DENND1A: variants seen among roughly 807,000 people sequenced by gnomAD.
The protein encoded by DENND1A is DENN domain containing 1A, also known as DENN domain-containing protein 1A.
A neutral mutation model predicts 113.7 loss-of-function variants in DENND1A; 51 were observed. The ratio of observed to expected loss-of-function variants is 0.45; its 90% CI spans 0.36 to 0.57. The LOEUF (loss-of-function observed/expected upper bound fraction) is 0.57. Ranked by LOEUF, DENND1A falls within the 20% of genes least tolerant of loss-of-function variation. The pLI is 0.00. For synonymous variants in DENND1A, 565 were observed against 570.8 expected (o/e 0.99, Z 0.14); for missense variants, 1,258 against 1,395.9 (o/e 0.90, Z 1.57).
chr9:123,662,709 C>T (rs905476886), intron 8 of DENND1A, among the ~76,000 whole-genome samples: 3 of 152,146 alleles, frequency 2.0e-5, no homozygotes, highest in African/African-American at 7.2e-5. Flanking sequence ...CCCAAGAATG[C>T]TTACGTGACA....
chr9:123,731,413 G>A (rs749381945), intron 5 of DENND1A, among the ~76,000 whole-genome samples: 47 of 152,132 alleles, frequency 3.1e-4, no homozygotes, highest in Non-Finnish European at 5.3e-4. Flanking sequence ...CAAACACTGC[G>A]TAGTCCATTA....
chr9:123,508,519 A>C (rs2053166734), intron 13 of DENND1A, among the ~76,000 whole-genome samples: 1 of 152,206 alleles, frequency 6.6e-6, no homozygotes, highest in African/African-American at 2.4e-5. Flanking sequence ...TTTTCTTTAC[A>C]ATTTTCTTGT....
chr9:123,742,077 G>T (rs1362249679), intron 5 of DENND1A, among the ~76,000 whole-genome samples: 8 of 152,172 alleles, frequency 5.3e-5, no homozygotes, highest in Admixed American at 4.6e-4. Flanking sequence ...ATAAACACAA[G>T]TGCATAGCGC....
intron 13 of DENND1A, among the ~76,000 whole-genome samples, chr9:123,494,586 C>G (rs976120730): frequency 6.6e-6 from 1 of 152,178 alleles, no homozygotes; most frequent in Non-Finnish European, 1.5e-5. Context: ...AATACGATTT[C>G]CTTCTGGTCC....
intron 13 of DENND1A, among the ~76,000 whole-genome samples, chr9:123,534,210 C>A (rs1161954460): frequency 1.3e-5 from 2 of 152,172 alleles, no homozygotes; most frequent in East Asian, 3.8e-4. Context: ...CTCCTCTTGC[C>A]TCTTCCTGCT....
At chr9:123,572,707 A>G (rs983696129) in intron 12 of DENND1A, among the ~76,000 whole-genome samples, 5 of 152,174 alleles carry the variant, frequency 3.3e-5, no homozygotes, top group African/African-American at 4.8e-5. Context: ...TTTTTTAGGT[A>G]TAAGTGTTAA....
intron 5 of DENND1A, among the ~76,000 whole-genome samples, chr9:123,723,817 C>T (rs984389906): frequency 9.2e-5 from 14 of 152,138 alleles, no homozygotes; most frequent in Admixed American, 8.5e-4. Context: ...ACTAATACAC[C>T]TCCCTCAGGG....
chr9:123,890,177 G>A (rs1277058330), intron 1 of DENND1A, among the ~76,000 whole-genome samples: 1 of 152,120 alleles, frequency 6.6e-6, no homozygotes, highest in Non-Finnish European at 1.5e-5. Context: ...CCAGGAAGTG[G>A]TAGAACTCCA....
intron 13 of DENND1A, among the ~76,000 whole-genome samples, chr9:123,519,845 G>A (rs577480986): frequency 2.0e-5 from 3 of 152,190 alleles, no homozygotes; most frequent in Non-Finnish European, 2.9e-5. Context: ...GAGAGCATCT[G>A]GGAAAGCCCT....
intron 12 of DENND1A, among the ~76,000 whole-genome samples, chr9:123,582,704 TTTTTTA>T (rs2058972949): frequency 3.4e-5 from 4 of 116,016 alleles, no homozygotes; most frequent in Admixed American, 2.8e-4. Flanking sequence ...CGGCCATTTC[TTTTTTA>T]TTTTTTTGAG....
chr9:123,623,806 G>A (rs1424732793), intron 10 of DENND1A, among the ~76,000 whole-genome samples: 1 of 152,202 alleles, frequency 6.6e-6, no homozygotes, highest in Non-Finnish European at 1.5e-5. Flanking sequence ...CTGCAATACA[G>A]CTTCTGGGGT....
At chr9:123,753,764 AGGAAAACAAAGG>A (rs1321162458) in intron 5 of DENND1A, among the ~76,000 whole-genome samples, 1 of 152,224 alleles carries the variant, frequency 6.6e-6, no homozygotes, top group African/African-American at 2.4e-5. Flanking sequence ...TTCCAATAGG[AGGAAAACAAAGG>A]AGGACCAAGG....
chr9:123,469,883 G>A (rs1378899499), intron 13 of DENND1A, among the ~76,000 whole-genome samples: 1 of 152,208 alleles, frequency 6.6e-6, no homozygotes, highest in Non-Finnish European at 1.5e-5. Context: ...ACTGGGCAAT[G>A]ACAGGGCCAG....
chr9:123,702,714 G>C (rs898927690), intron 5 of DENND1A, among the ~76,000 whole-genome samples: 1 of 152,284 alleles, frequency 6.6e-6, no homozygotes, highest in African/African-American at 2.4e-5. Flanking sequence ...CAGCAAATCT[G>C]TCCTACAGAA....
At chr9:123,631,188 C>T (rs1008708769) in intron 9 of DENND1A, among the ~76,000 whole-genome samples, 1 of 152,112 alleles carries the variant, frequency 6.6e-6, no homozygotes, top group African/African-American at 2.4e-5. Flanking sequence ...CACCCCCGAC[C>T]CCCAGCCATA....
At chr9:123,395,586 G>C (rs1300130568) in intron 21 of DENND1A, among the ~76,000 whole-genome samples, 1 of 152,056 alleles carries the variant, frequency 6.6e-6, no homozygotes. Context: ...ATAGCTGGCT[G>C]CTAAGGGAGT....
chr9:123,917,771 T>C (rs12001870), intron 1 of DENND1A, among the ~76,000 whole-genome samples: 32,540 of 151,710 alleles, frequency 0.21, 5,507 homozygotes, highest in African/African-American at 0.47. Flanking sequence ...AGATGATGAG[T>C]CTGGGACACT....
intron 13 of DENND1A, among the ~76,000 whole-genome samples, chr9:123,515,029 A>T (rs2053785769): frequency 6.6e-6 from 1 of 152,216 alleles, no homozygotes; most frequent in African/African-American, 2.4e-5. Context: ...GCTACAAGAC[A>T]ACTGGTCTGG....
chr9:123,694,995 A>G (rs897777909), intron 5 of DENND1A, among the ~76,000 whole-genome samples: 1 of 152,208 alleles, frequency 6.6e-6, no homozygotes, highest in Non-Finnish European at 1.5e-5. Flanking sequence ...CTGCCAGTGA[A>G]TATAAAGCAG....
Sources: allele counts gnomAD v4.1 joint callset (sites outside exome capture counted in the v4.1 genomes callset), GRCh38; gene constraint gnomAD v4.1.1; transcripts MANE v1.5; gene names NCBI Gene and HGNC (gene_info 2026-07-23, HGNC 2026-07-21).